Variants in PKNOX2 observed in about 807,000 individuals in gnomAD.
The protein encoded by PKNOX2 is homeobox protein PKNOX2.
In PKNOX2, 14 loss-of-function variants were observed where a neutral mutation model predicts 53.1. The ratio of observed to expected loss-of-function variants is 0.26; its 90% CI spans 0.17 to 0.41. The LOEUF is 0.41. PKNOX2 is among the 10% of genes least tolerant of loss of function. PKNOX2 has a pLI of 1.00. For missense variants in PKNOX2, 496 were observed against 602.8 expected (o/e 0.82, Z 1.85); for synonymous variants, 257 against 242.8 (o/e 1.06, Z -0.54).
intron 1 of PKNOX2, chr11:125,191,273 C>T (rs1450717760): frequency 6.6e-6 from 1 of 152,212 alleles, no homozygotes; most frequent in African/African-American, 2.4e-5. Context: ...TCTTTTCATT[C>T]TAAGTCCAGG....
intron 10 of PKNOX2, among the ~76,000 whole-genome samples, chr11:125,420,441 G>T (rs1956114705): frequency 6.6e-6 from 1 of 150,900 alleles, no homozygotes. Context: ...CAGGAGAATG[G>T]CATGAACCTG....
At chr11:125,329,955 C>T (rs1950038428) in intron 2 of PKNOX2, among the ~76,000 whole-genome samples, 1 of 152,200 alleles carries the variant, frequency 6.6e-6, no homozygotes, top group South Asian at 2.1e-4. Context: ...CAGCTGTAAG[C>T]CCATCACAGG....
At chr11:125,260,352 C>A (rs1301676624) in intron 2 of PKNOX2, among the ~76,000 whole-genome samples, 2 of 152,132 alleles carry the variant, frequency 1.3e-5, no homozygotes, top group African/African-American at 4.8e-5. Flanking sequence ...GCACGTGCCA[C>A]CACATCCAGC....
chr11:125,356,478 T>G (rs1951623201), intron 4 of PKNOX2, among the ~76,000 whole-genome samples: 1 of 152,190 alleles, frequency 6.6e-6, no homozygotes, highest in Non-Finnish European at 1.5e-5. Context: ...GGAAGTCAAG[T>G]GTTTGCTTGG....
intron 2 of PKNOX2, among the ~76,000 whole-genome samples, chr11:125,254,498 G>A (rs1271250675): frequency 1.3e-5 from 2 of 152,252 alleles, no homozygotes; most frequent in Admixed American, 6.5e-5. Flanking sequence ...AAATGGCTGT[G>A]TGACCTTGGG....
chr11:125,188,056 T>C (rs1403616867), intron 1 of PKNOX2: 1 of 152,246 alleles, frequency 6.6e-6, no homozygotes, highest in Non-Finnish European at 1.5e-5. Context: ...ATTACCTCAT[T>C]TGATTCTAAA....
intron 1 of PKNOX2, among the ~76,000 whole-genome samples, 173 bp from the exon 2 acceptor site, chr11:125,234,872 G>GCA (rs149919550): frequency 0.03 from 4,491 of 152,206 alleles, 201 homozygotes; most frequent in African/African-American, 0.1. Flanking sequence ...TAATGGTTTT[G>GCA]CTAGGAGTCT....
At chr11:125,176,084 C>T (rs1591469377) in intron 1 of PKNOX2, among the ~76,000 whole-genome samples, 1 of 152,140 alleles carries the variant, frequency 6.6e-6, no homozygotes, top group Admixed American at 6.5e-5. Flanking sequence ...CTGGGGCAGG[C>T]GTGAGTTCCC....
chr11:125,233,402 G>T (rs1482627653), intron 1 of PKNOX2, among the ~76,000 whole-genome samples: 1 of 152,204 alleles, frequency 6.6e-6, no homozygotes, highest in Non-Finnish European at 1.5e-5. Flanking sequence ...AATAATACAA[G>T]TTGGAACCCA....
chr11:125,289,570 ACTCT>A (rs1947170889), intron 2 of PKNOX2, among the ~76,000 whole-genome samples: 1 of 151,872 alleles, frequency 6.6e-6, no homozygotes. Flanking sequence ...CAGAGACTTC[ACTCT>A]CTCCCTGAGC....
intron 2 of PKNOX2, among the ~76,000 whole-genome samples, chr11:125,304,920 T>G (rs1237748112): frequency 6.6e-6 from 1 of 152,200 alleles, no homozygotes; most frequent in Admixed American, 6.5e-5. Context: ...GTTGAGGGTG[T>G]TAGCAGGAGT....
At chr11:125,222,645 G>GTATGTGTGTGCTGTGTATGTGTGTGCA (rs1941288698) in intron 1 of PKNOX2, among the ~76,000 whole-genome samples, 1 of 141,020 alleles carries the variant, frequency 7.1e-6, no homozygotes, top group Admixed American at 6.9e-5. Context: ...ATGTGTGTGC[G>GTATGTGTGTGCTGTGTATGTGTGTGCA]TATGTGTGTG....
chr11:125,425,452 C>T (rs920300640), intron 10 of PKNOX2, among the ~76,000 whole-genome samples: 2 of 152,226 alleles, frequency 1.3e-5, no homozygotes, highest in African/African-American at 4.8e-5. Flanking sequence ...GGATTATCTA[C>T]TTCCAGAGAG....
chr11:125,189,081 C>G (rs1362825683), intron 1 of PKNOX2, among the ~76,000 whole-genome samples: 2 of 151,834 alleles, frequency 1.3e-5, no homozygotes, highest in East Asian at 1.9e-4. Flanking sequence ...TTTTTGCTCT[C>G]TTCGTATTTT....
intron 10 of PKNOX2, among the ~76,000 whole-genome samples, chr11:125,412,192 G>A (rs773464220): frequency 2.0e-5 from 3 of 152,200 alleles, no homozygotes; most frequent in Non-Finnish European, 2.9e-5. Flanking sequence ...GGGTCACTGC[G>A]GGGAGTGGGT....
At chr11:125,187,605 G>A (rs1956534295) in intron 1 of PKNOX2, among the ~76,000 whole-genome samples, 1 of 151,708 alleles carries the variant, frequency 6.6e-6, no homozygotes, top group Non-Finnish European at 1.5e-5. Flanking sequence ...ACAGGGTCAT[G>A]TCATCTATGA....
At position 125,399,827 on chromosome 11, in the gene PKNOX2, G is replaced by T. The variant is rs374695456; in HGVS notation, c.588+1765G>T. On this transcript the variant is annotated intron_variant, in intron 7 of 12. Transcript: ENST00000298282. ...TGGGGGAAGGAAGGAGGGGCAGAGG[G>T]CTTAGCAGCCACCTCAGCCCCCTCA... Among the ~76,000 whole-genome samples, 83 of 152,312 alleles carry T rather than the reference G, an allele frequency of 5.4e-4. 1 individual carries two copies. In the South Asian group the frequency reaches 9.3e-3, roughly 17 times the overall value.
chr11:125,389,711 G>T (rs557657278), intron 6 of PKNOX2, among the ~76,000 whole-genome samples: 1 of 152,184 alleles, frequency 6.6e-6, no homozygotes, highest in Non-Finnish European at 1.5e-5. Flanking sequence ...ACGGGCCCCC[G>T]GTGCAGGGCC....
At chr11:125,188,484 T>C (rs568517261) in intron 1 of PKNOX2, among the ~76,000 whole-genome samples, 1 of 152,348 alleles carries the variant, frequency 6.6e-6, no homozygotes, top group South Asian at 2.1e-4. Flanking sequence ...CTGCAAACTA[T>C]AGCATCTTCT....
Sources: gnomAD v4.1 joint callset for allele counts (sites outside exome capture counted in the v4.1 genomes callset) on GRCh38, gnomAD v4.1.1 for gene constraint, MANE v1.5 for transcripts, NCBI Gene and HGNC (gene_info 2026-07-23, HGNC 2026-07-21) for gene names.